CYP4F3: variants seen among roughly 807,000 people sequenced by gnomAD.
The protein encoded by CYP4F3 is cytochrome P450 family 4 subfamily F member 3.
Under a neutral mutation model 54.8 loss-of-function variants are expected in CYP4F3, and 50 were observed. The observed-to-expected ratio is 0.91, with a 90% confidence interval of 0.73 to 1.16. CYP4F3 has a LOEUF of 1.16. CYP4F3 is among the 50% of genes most tolerant of loss of function. The pLI is 0.00. For synonymous variants in CYP4F3, 244 were observed against 262.6 expected, an observed-to-expected ratio of 0.93 and a Z score of 0.69; for missense variants, 715 against 676.2, an observed-to-expected ratio of 1.06 and a Z score of -0.64.
At chr19:15,651,163 T>C (rs1972844389) in intron 7 of CYP4F3, among the ~76,000 whole-genome samples, 1 of 142,556 alleles carries the variant, frequency 7.0e-6, no homozygotes, top group African/African-American at 2.5e-5. Context: ...CGTGAGCCAC[T>C]GTGCCCCACC....
At chr19:15,652,460 C>A (rs2683038) in intron 7 of CYP4F3, 109 bp from the exon 8 acceptor site, 1 of 1,537,728 alleles carries the variant, frequency 6.5e-7, no homozygotes, top group Non-Finnish European at 8.9e-7. Flanking sequence ...TTGGGTTTCT[C>A]GAAAGAGGAT....
chr19:15,647,974 G>A (rs1234725886), intron 5 of CYP4F3, among the ~76,000 whole-genome samples: 1 of 152,098 alleles, frequency 6.6e-6, no homozygotes, highest in African/African-American at 2.4e-5. Context: ...TTACCACATT[G>A]TATTTTGACA....
In CYP4F3 at chr19:15,649,922, T is replaced by A. The variant is rs368167752; in HGVS notation, c.657T>A (p.Ser219Arg). 1.5e-5 allele frequency: 24 copies of A among 1,613,610 alleles called. No homozygotes were observed. Among genetic ancestry groups the A allele is most frequent in the Admixed American group, 3.3e-5 (2 of 59,980 alleles). ...TGCCCTTATCCTGCAGGAAGCCCAG[T>A]GAATATATTGCCGCCATCTTGGAGC... ...SFDSHCQEKP[S>R]EYIAAILELS... The change falls in exon 7 of 13, where the codon AGT becomes AGA. Residue 219 changes from serine to arginine, a missense_variant. Ser to Arg is a moderately radical substitution (Grantham distance 110). Coordinates refer to ENST00000221307, the MANE Select transcript of CYP4F3 (RefSeq NM_000896.3).
rs1972650746 is a variant in CYP4F3 at position 15,647,125 on chromosome 19, C to G, written c.397+20C>G. The G allele has an allele frequency of 6.2e-7, 1 of 1,614,080 alleles. No homozygotes were observed. ...GGCTGGGTGAGTATCTGTAGGTGAA[C>G]AGGGTTGGGAACAACCTGGGGGGCC... is the stretch of plus-strand genomic sequence containing the variant. On this transcript the variant is annotated intron_variant, in intron 4 of 12. Coordinates refer to ENST00000221307, the MANE Select transcript of CYP4F3 (RefSeq NM_000896.3).
chr19:15,641,817 C>T (rs1972473314), intron 2 of CYP4F3, among the ~76,000 whole-genome samples: 2 of 152,136 alleles, frequency 1.3e-5, no homozygotes, highest in Non-Finnish European at 1.5e-5. Flanking sequence ...CCACTCTTGG[C>T]CTGTGTTGAA....
chr19:15,656,728 T>TTATC (rs1555743688), intron 9 of CYP4F3, among the ~76,000 whole-genome samples: 31,771 of 143,666 alleles, frequency 0.22, 3,489 homozygotes, highest in East Asian at 0.28. Context: ...TATCATCTAT[T>TTATC]TATCTATCTA....
chr19:15,657,001 A>G (rs2683056), intron 9 of CYP4F3, among the ~76,000 whole-genome samples: 101,487 of 151,530 alleles, frequency 0.67, 34,616 homozygotes, highest in East Asian at 0.82. Flanking sequence ...AATTATAGTC[A>G]ATATTTCCAA....
intron 2 of CYP4F3, among the ~76,000 whole-genome samples, chr19:15,643,211 G>A (rs969949905): frequency 1.3e-5 from 2 of 149,678 alleles, no homozygotes; most frequent in African/African-American, 2.5e-5. Context: ...ATGAATGGAT[G>A]CACAGATAGG....
At chr19:15,644,322 C>A (rs1333060922) in intron 2 of CYP4F3, among the ~76,000 whole-genome samples, 3 of 152,110 alleles carry the variant, frequency 2.0e-5, no homozygotes, top group African/African-American at 7.2e-5. Context: ...AACCCCCAAG[C>A]TTAAGGAGGT....
intron 9 of CYP4F3, among the ~76,000 whole-genome samples, chr19:15,655,879 T>G (rs961053324): frequency 6.6e-6 from 1 of 152,258 alleles, no homozygotes; most frequent in Admixed American, 6.5e-5. Context: ...TAAATCAAGG[T>G]AATGAACAAA....
Position 15,659,609 on chromosome 19 carries a change from T to C in CYP4F3, c.*224T>C. 1.4e-6 allele frequency: 1 copy of C among 725,620 alleles called. No homozygotes were observed. Among genetic ancestry groups the C allele is most frequent in the Non-Finnish European group, 2.2e-6 (1 of 461,544 alleles). 44.9% of individuals were successfully genotyped at this position (725,620 alleles called of 1,614,324 possible). A position where few individuals can be genotyped will look rare whatever the true frequency, so the allele number is the denominator to read the frequency against. ...GATGAAAACAACCCCAAGCTATATA[T>C]TACCAGATGAAAGGATAAACAAAAT... is the stretch of plus-strand genomic sequence containing the variant. On this transcript the variant is annotated 3_prime_UTR_variant, in exon 13 of 13. Coordinates refer to ENST00000221307, the MANE Select transcript of CYP4F3 (RefSeq NM_000896.3).
intron 3 of CYP4F3, among the ~76,000 whole-genome samples, chr19:15,646,709 G>T (rs1329104133): frequency 6.6e-6 from 1 of 152,152 alleles, no homozygotes; most frequent in African/African-American, 2.4e-5. Context: ...GGACAGACAG[G>T]GTGTCCTAAG....
chr19:15,647,409 C>T, intron 5 of CYP4F3, 85 bp downstream of exon 5: 1 of 1,577,606 alleles, frequency 6.3e-7, no homozygotes, highest in Non-Finnish European at 8.6e-7. Flanking sequence ...TTTGGCTCTG[C>T]TGGGTGCCTC....
In CYP4F3 at chr19:15,659,413, C is replaced by G. The variant is rs756060952; in HGVS notation, c.*28C>G. On this transcript the variant is annotated 3_prime_UTR_variant, in exon 13 of 13. Transcript: ENST00000221307. ...TCTGCAGAGACCCACTCTGACCCCA[C>G]TAAAATGACCCCTGATTCATCAAAA... The G allele has an allele frequency of 2.5e-6, 4 of 1,603,166 alleles. No individual in the cohort carries two copies. The highest frequency in any genetic ancestry group is 1.7e-5 in the Admixed American group (1 of 58,536).
intron 3 of CYP4F3, 46 bp downstream of exon 3, chr19:15,645,909 G>A (rs150874670): frequency 2.9e-5 from 44 of 1,527,136 alleles, no homozygotes; most frequent in South Asian, 1.5e-4. Flanking sequence ...CACTGGCCAC[G>A]CCTTGCCCAC....
rs745493851 is a variant in CYP4F3 at position 15,647,061 on chromosome 19, T to C, written c.353T>C (p.Val118Ala). 7 of 1,614,214 alleles carry C rather than the reference T, an allele frequency of 4.3e-6. No homozygotes were observed. The highest frequency in any genetic ancestry group is 5.9e-6 in the Non-Finnish European group (7 of 1,180,028). Residue 118 changes from valine (V) to alanine (A), a missense_variant, in exon 4 of 13, where the codon GTA (valine) becomes GCA (alanine). Transcript: ENST00000221307. ...KPVLFAPAAI[V>A]PKDKVFYSFL... ...TCCTCATTTATGTCAGCTGCCATTG[T>C]ACCAAAGGACAAGGTCTTCTACAGC...
At chr19:15,646,509 C>T (rs1427313623) in intron 3 of CYP4F3, among the ~76,000 whole-genome samples, 1 of 152,122 alleles carries the variant, frequency 6.6e-6, no homozygotes, top group Non-Finnish European at 1.5e-5. Context: ...CAACCTGGAG[C>T]CTGTATGTGG....
At chr19:15,654,132 C>T (rs2683047) in intron 9 of CYP4F3, among the ~76,000 whole-genome samples, 100,347 of 151,742 alleles carry the variant, frequency 0.66, 33,745 homozygotes, top group East Asian at 0.82. Flanking sequence ...GTGTCTTGGA[C>T]TCAGTGTCCT....
intron 9 of CYP4F3, among the ~76,000 whole-genome samples, chr19:15,657,509 G>A (rs957080922): frequency 1.4e-4 from 21 of 152,108 alleles, no homozygotes; most frequent in Non-Finnish European, 2.8e-4. Flanking sequence ...GGCTGGTCTC[G>A]AACTCCTAAC....
Sources: gnomAD v4.1 joint callset for allele counts (sites outside exome capture counted in the v4.1 genomes callset) on GRCh38, gnomAD v4.1.1 for gene constraint, MANE v1.5 for transcripts, NCBI Gene and HGNC (gene_info 2026-07-23, HGNC 2026-07-21) for gene names.